The following TTL variants were observed in gnomAD, a reference collection of about 807,000 sequenced individuals.
The protein encoded by TTL is tubulin tyrosine ligase, also known as tubulin--tyrosine ligase.
Under a neutral mutation model 41.1 loss-of-function variants are expected in TTL, and 10 were observed. The ratio of observed to expected loss-of-function variants is 0.24; its 90% CI spans 0.15 to 0.41. The LOEUF (loss-of-function observed/expected upper bound fraction) is 0.41. Among genes scored for constraint, TTL ranks in the 10% least tolerant of loss-of-function variants. The pLI is 1.00. For synonymous variants in TTL, 175 were observed against 175.5 expected (o/e 1.00, Z 0.02); for missense variants, 367 against 460.4 (o/e 0.80, Z 1.86).
At position 112,482,601 on chromosome 2, in the gene TTL, T is replaced by G; in HGVS notation, c.157+100T>G. 1 of 1,307,720 alleles carries G rather than the reference T, an allele frequency of 7.6e-7. No homozygotes were observed. The highest frequency in any genetic ancestry group is 1.0e-6 in the Non-Finnish European group (1 of 982,900). 81.0% of individuals were successfully genotyped at this position (1,307,720 alleles called of 1,614,324 possible). A position where few individuals can be genotyped will look rare whatever the true frequency, so the allele number is the denominator to read the frequency against. ...CGCTTTTGTTTTTAAAGGTCATACA[T>G]TTTCTCCTCTGTCGCTTGTCGGGCA... On this transcript the variant is annotated intron_variant, in intron 1 of 6. Transcript: ENST00000233336. The surrounding 1 kb of genome is among the most constrained non-coding windows in gnomAD (Gnocchi z 5.3).
chr2:112,490,568 CTTT>C (rs35722764), intron 2 of TTL, among the ~76,000 whole-genome samples: 16 of 110,688 alleles, frequency 1.4e-4, no homozygotes, highest in Admixed American at 2.1e-4. Flanking sequence ...CTTAGTAAAT[CTTT>C]TTTTTTTTTT....
At chr2:112,503,401 G>GTA (rs778664034) in intron 5 of TTL, among the ~76,000 whole-genome samples, 14,772 of 128,006 alleles carry the variant, frequency 0.12, 844 homozygotes, top group South Asian at 0.17. Context: ...GTGTGTGTGT[G>GTA]TGTATATATA....
At position 112,531,701 on chromosome 2, in the gene TTL, CT is replaced by C; in HGVS notation, c.*2911del. 4.5e-6 allele frequency: 1 copy of C among 222,252 alleles called. No homozygotes were observed. The highest frequency in any genetic ancestry group is 9.0e-6 in the Non-Finnish European group (1 of 111,236). 13.8% of individuals were successfully genotyped at this position (222,252 alleles called of 1,614,324 possible). A position where few individuals can be genotyped will look rare whatever the true frequency, so the allele number is the denominator to read the frequency against. On this transcript the variant is annotated 3_prime_UTR_variant, in exon 7 of 7. Transcript: ENST00000233336. ...GGCTTATGACTTAAAAAAAAAAATT[CT>C]TTTTGGAAACACAAGCATTTCTTTA...
chr2:112,482,651 C>A lies in TTL; in HGVS notation c.157+150C>A. ...ACATCAGAAACGGATTCGGAAAGATCGAAACCTGTCGTTTTTAATGCTTTC... is the reference window on the plus strand; with the variant it reads ...ACATCAGAAACGGATTCGGAAAGATAGAAACCTGTCGTTTTTAATGCTTTC... On this transcript the variant is annotated intron_variant, in intron 1 of 6. Coordinates refer to ENST00000233336, the MANE Select transcript of TTL (RefSeq NM_153712.5). This position sits in a 1 kb window ranked among gnomAD's most constrained non-coding sequence, Gnocchi z 5.3. 1 of 905,494 alleles carries A rather than the reference C, an allele frequency of 1.1e-6. No individual in the cohort carries two copies. The highest frequency in any genetic ancestry group is 1.6e-6 in the Non-Finnish European group (1 of 633,950). The allele number at this position is 905,494 out of a possible 1,614,324, so 56.1% of individuals were successfully genotyped here.
Position 112,538,795 on chromosome 2 carries a change from G to T in TTL, c.*10000G>T, listed in dbSNP as rs1276351289. On this transcript the variant is annotated 3_prime_UTR_variant, in exon 7 of 7. Transcript: ENST00000233336. ...CTGTCTCAAAAAAATTAAAAAGTGG[G>T]AGCTAAACATTGGGTACACATGGAC... 1 of 151,728 alleles carries T rather than the reference G, an allele frequency of 6.6e-6. No homozygotes were observed. The highest frequency in any genetic ancestry group is 1.5e-5 in the Non-Finnish European group (1 of 67,942). 9.4% of individuals were successfully genotyped at this position (151,728 alleles called of 1,614,324 possible). A position where few individuals can be genotyped will look rare whatever the true frequency, so the allele number is the denominator to read the frequency against.
rs1332953501 is a variant in TTL, at chr2:112,501,263, A to G, written c.527A>G (p.Gln176Arg). The G allele has an allele frequency of 1.2e-6, 2 of 1,613,864 alleles. No homozygotes were observed. Among genetic ancestry groups the G allele is most frequent in the Non-Finnish European group, 1.7e-6 (2 of 1,179,840 alleles). The change falls in exon 4 of 7, where the codon CAG becomes CGG. Residue 176 changes from glutamine to arginine, a missense_variant. By Grantham distance (43) the Gln-to-Arg change is conservative (BLOSUM62 1). Coordinates refer to ENST00000233336, the MANE Select transcript of TTL (RefSeq NM_153712.5). The part of the protein sequence containing the change: ...ASELLDFIDN[Q>R]GQVHVIQKYL... The stretch of plus-strand genomic sequence containing the variant: ...GAGCTTCTCGATTTCATAGACAACC[A>G]GGGCCAAGTGCACGTGATCCAGAAA...
intron 5 of TTL, among the ~76,000 whole-genome samples, chr2:112,518,534 C>T (rs999583291): frequency 1.3e-5 from 2 of 151,758 alleles, no homozygotes; most frequent in African/African-American, 2.4e-5. Context: ...TGTGGAGGGC[C>T]GAGGGCGGAG....
At chr2:112,504,074 T>G (rs1361631372) in intron 5 of TTL, among the ~76,000 whole-genome samples, 2 of 50,050 alleles carry the variant, frequency 4.0e-5, no homozygotes, top group East Asian at 1.1e-3. Context: ...TTTGGTTTTT[T>G]GTTCTTGCGA....
chr2:112,540,622 A>G lies in TTL; in HGVS notation c.*11827A>G, dbSNP rs976224829. The G allele has an allele frequency of 6.6e-6, 1 of 152,234 alleles. No homozygotes were observed. The highest frequency in any genetic ancestry group is 1.5e-5 in the Non-Finnish European group (1 of 68,038). 9.4% of individuals were successfully genotyped at this position (152,234 alleles called of 1,614,324 possible). A position where few individuals can be genotyped will look rare whatever the true frequency, so the allele number is the denominator to read the frequency against. ...GTAGTTTGTAGACAGATATACAGAT[A>G]AATGTAGATAGACATACAGATCAAG... On this transcript the variant is annotated 3_prime_UTR_variant, in exon 7 of 7. Transcript: ENST00000233336.
chr2:112,503,347 C>T (rs1471214109), intron 5 of TTL, among the ~76,000 whole-genome samples, 166 bp downstream of exon 5: 2 of 149,748 alleles, frequency 1.3e-5, no homozygotes, highest in African/African-American at 4.9e-5. Flanking sequence ...GTAATGATGT[C>T]TCCTCTTTCG....
At chr2:112,512,326 G>A (rs1574066278) in intron 5 of TTL, among the ~76,000 whole-genome samples, 2 of 151,268 alleles carry the variant, frequency 1.3e-5, no homozygotes, top group South Asian at 4.2e-4. Context: ...GCAGTGGCGT[G>A]ATCTCGGCTC....
In TTL at chr2:112,528,699, G is replaced by C. The variant is rs781662408; in HGVS notation, c.1038G>C (p.Leu346=). 1.9e-5 allele frequency: 31 copies of C among 1,613,982 alleles called. No homozygotes were observed. The highest frequency in any genetic ancestry group is 2.5e-5 in the Non-Finnish European group (30 of 1,179,994). Reference sequence around the variant, plus strand: ...ATTTCAGGAAGCTCTATGCAGAACTGTGCCAAGGCATCGTGGACATAGCCA... The same window carrying C: ...ATTTCAGGAAGCTCTATGCAGAACTCTGCCAAGGCATCGTGGACATAGCCA... ...PACAQKLYAE[L]CQGIVDIAIS... Residue 346 remains leucine (L), a synonymous_variant, in exon 7 of 7, where the codon CTG becomes CTC. Transcript: ENST00000233336.
At chr2:112,510,172 C>T (rs1272321809) in intron 5 of TTL, among the ~76,000 whole-genome samples, 1 of 152,112 alleles carries the variant, frequency 6.6e-6, no homozygotes, top group Non-Finnish European at 1.5e-5. Flanking sequence ...CATTTTATTG[C>T]CTAGGCTGGA....
intron 1 of TTL, 107 bp from the exon 2 acceptor site, chr2:112,485,810 A>G (rs752410347): frequency 7.7e-6 from 8 of 1,040,478 alleles, no homozygotes; most frequent in African/African-American, 1.6e-5. Flanking sequence ...CCATTTTCTA[A>G]CAGCCAATCC....
In TTL at chr2:112,494,323, A is replaced by G; in HGVS notation, c.417A>G (p.Lys139=). The G allele has an allele frequency of 6.2e-7, 1 of 1,614,216 alleles. No homozygotes were observed. Among genetic ancestry groups the G allele is most frequent in the Non-Finnish European group, 8.5e-7 (1 of 1,180,032 alleles). The change falls in exon 3 of 7, where the codon AAA becomes AAG. Residue 139 remains lysine, a synonymous_variant. Coordinates refer to ENST00000233336, the MANE Select transcript of TTL (RefSeq NM_153712.5). ...TTCTCGCCTCTTATAACAGAAAGAA[A>G]GAGGATGGAGAGGGCAACGTTTGGA... ...EFFLASYNRK[K]EDGEGNVWIA...
In TTL at chr2:112,503,124, G is replaced by A. The variant is rs1681745817; in HGVS notation, c.818G>A (p.Ser273Asn). 5.0e-6 allele frequency: 8 copies of A among 1,612,796 alleles called. No homozygotes were observed. The East Asian group carries it at 1.8e-4, about 36-fold the overall frequency. ...AAGGAGTTCAATCAGTACCTAACAA[G>A]TGCTTTGAACATTACCCTAGAAAGT... ...FFKEFNQYLT[S>N]ALNITLESSI... is the part of the protein sequence containing the mutation. Residue 273 changes from serine (S) to asparagine (N), a missense_variant, in exon 5 of 7, where the codon AGT (serine) becomes AAT (asparagine). Coordinates refer to ENST00000233336, the MANE Select transcript of TTL (RefSeq NM_153712.5).
intron 2 of TTL, among the ~76,000 whole-genome samples, chr2:112,486,731 C>T (rs984504685): frequency 6.6e-6 from 1 of 152,164 alleles, no homozygotes; most frequent in Admixed American, 6.5e-5. Flanking sequence ...CAGATCTCCT[C>T]ATCCCTCTAA....
At position 112,520,419 on chromosome 2, in the gene TTL, G is replaced by GACA; in HGVS notation, c.1013_1014insACA (p.Cys338delinsTer). On this transcript the variant is annotated stop_gained, in exon 6 of 7. Coordinates refer to ENST00000233336, the MANE Select transcript of TTL (RefSeq NM_153712.5). LOFTEE classifies it high-confidence loss of function. ...ATTGAGGTCAACGGTGCCCCTGCATGTGCTCAGTAAGCCTGCACGTCATTG... is the reference window on the plus strand; with the variant it reads ...ATTGAGGTCAACGGTGCCCCTGCATGACATGCTCAGTAAGCCTGCACGTCATTG... 1 of 1,613,826 alleles carries GACA rather than the reference G, an allele frequency of 6.2e-7. No homozygotes were observed. The highest frequency in any genetic ancestry group is 8.5e-7 in the Non-Finnish European group (1 of 1,179,992).
intron 2 of TTL, among the ~76,000 whole-genome samples, chr2:112,493,474 C>T (rs1403657013): frequency 6.6e-6 from 1 of 152,194 alleles, no homozygotes; most frequent in African/African-American, 2.4e-5. Flanking sequence ...AATGTGATGC[C>T]AGTGCCTCTA....
Sources: allele counts gnomAD v4.1 joint callset (sites outside exome capture counted in the v4.1 genomes callset), GRCh38; gene constraint gnomAD v4.1.1; non-coding constraint Gnocchi (gnomAD v3.1); transcripts MANE v1.5; gene names NCBI Gene and HGNC (gene_info 2026-07-23, HGNC 2026-07-21).